Variants in LRRN3 observed in about 807,000 individuals in gnomAD.
The protein encoded by LRRN3 is leucine rich repeat neuronal 3, also known as leucine-rich repeat neuronal protein 3.
A neutral mutation model predicts 40.1 loss-of-function variants in LRRN3; 15 were observed. That is an observed-to-expected ratio of 0.37 (90% CI 0.25 to 0.58). The LOEUF (loss-of-function observed/expected upper bound fraction) is 0.58. LRRN3 is among the 20% of genes least tolerant of loss of function. The pLI, the probability that LRRN3 is intolerant of heterozygous loss-of-function variation, is 0.72. For missense variants in LRRN3, 746 were observed against 837.7 expected (o/e 0.89, Z 1.35); for synonymous variants, 308 against 297.2 (o/e 1.04, Z -0.37).
At position 111,122,516 on chromosome 7, in the gene LRRN3, C is replaced by T. The variant is rs1800771901; in HGVS notation, c.-257C>T. On this transcript the variant is annotated 5_prime_UTR_variant, in exon 3 of 3. Transcript: ENST00000308478. ...AATCTCCTATGACCATCTATACATACTCCACCTTCAAAAAGTACATCAATA... is the reference window on the plus strand; with the variant it reads ...AATCTCCTATGACCATCTATACATATTCCACCTTCAAAAAGTACATCAATA... 3 of 444,496 alleles carry T rather than the reference C, an allele frequency of 6.7e-6. No homozygotes were observed. In the South Asian group the frequency reaches 1.1e-4, roughly 17 times the overall value. 27.5% of individuals were successfully genotyped at this position (444,496 alleles called of 1,614,324 possible). A position where few individuals can be genotyped will look rare whatever the true frequency, so the allele number is the denominator to read the frequency against.
At chr7:111,100,424 A>C (rs921380494) in intron 2 of LRRN3, among the ~76,000 whole-genome samples, 1 of 148,108 alleles carries the variant, frequency 6.8e-6, no homozygotes, top group African/African-American at 2.4e-5. Context: ...ATATATAATA[A>C]AATATATGTA....
At chr7:111,118,376 C>T (rs1324879424) in intron 2 of LRRN3, among the ~76,000 whole-genome samples, 3 of 151,988 alleles carry the variant, frequency 2.0e-5, no homozygotes, top group East Asian at 1.9e-4. Flanking sequence ...TATAATTATA[C>T]CAAGAAACAA....
intron 1 of LRRN3, among the ~76,000 whole-genome samples, chr7:111,099,196 A>T (rs1405583807): frequency 6.6e-6 from 1 of 151,746 alleles, no homozygotes; most frequent in African/African-American, 2.4e-5. Flanking sequence ...ACACAAAAGA[A>T]AAATGCAAAA....
chr7:111,100,554 AATAAT>A (rs1256326808), intron 2 of LRRN3, among the ~76,000 whole-genome samples: 1 of 148,504 alleles, frequency 6.7e-6, no homozygotes, highest in Non-Finnish European at 1.5e-5. Context: ...TTATTTAATA[AATAAT>A]ATAATGATAA....
intron 2 of LRRN3, among the ~76,000 whole-genome samples, chr7:111,114,185 T>C (rs1799569792): frequency 6.6e-6 from 1 of 151,758 alleles, no homozygotes; most frequent in African/African-American, 2.4e-5. Flanking sequence ...AAACAATGAT[T>C]TCTCTTACAA....
intron 2 of LRRN3, among the ~76,000 whole-genome samples, chr7:111,116,330 T>G (rs1799874267): frequency 6.6e-6 from 1 of 152,176 alleles, no homozygotes; most frequent in African/African-American, 2.4e-5. Flanking sequence ...AATCTATAGT[T>G]ATTTCTATAA....
rs1800880883 is a variant in LRRN3, at chr7:111,123,329, C to T, written c.557C>T (p.Ala186Val). The T allele has an allele frequency of 1.9e-6, 3 of 1,613,774 alleles. No individual in the cohort carries two copies. Among genetic ancestry groups the T allele is most frequent in the Non-Finnish European group, 2.5e-6 (3 of 1,179,894 alleles). ...ATGATCAACAGTAAGTGGTTTGATG[C>T]TCTTCCAAATCTAGAGATTCTGATG... The part of the protein sequence containing the change: ...LQMINSKWFD[A>V]LPNLEILMIG... The change falls in exon 3 of 3, where the codon GCT (alanine) becomes GTT (valine). Residue 186 changes from alanine to valine, a missense_variant. Physicochemically the swap from Ala to Val is moderately conservative, Grantham distance 64 (BLOSUM62 0). Transcript: ENST00000308478. The surrounding 1 kb of genome is among the most constrained non-coding windows in gnomAD (Gnocchi z 6.4).
Position 111,123,522 on chromosome 7 carries a change from A to G in LRRN3, c.750A>G (p.Lys250=). The G allele has an allele frequency of 6.2e-7, 1 of 1,613,984 alleles. No individual in the cohort carries two copies. The highest frequency in any genetic ancestry group is 8.5e-7 in the Non-Finnish European group (1 of 1,179,956). Residue 250 remains lysine (K), a synonymous_variant, in exon 3 of 3, where the codon AAA becomes AAG. Transcript: ENST00000308478. The surrounding 1 kb of genome is among the most constrained non-coding windows in gnomAD (Gnocchi z 6.4). ...CTTTTTACGATAACAGGCTTATTAA[A>G]GTACCCCATGTTGCTCTTCAAAAAG... The part of the protein sequence containing the change: ...SISFYDNRLI[K]VPHVALQKVV...
chr7:111,096,475 A>G (rs1797407446), intron 1 of LRRN3, among the ~76,000 whole-genome samples: 1 of 150,938 alleles, frequency 6.6e-6, no homozygotes, highest in African/African-American at 2.4e-5. Flanking sequence ...TTCTTAATTT[A>G]AATCACAGCT....
At position 111,123,764 on chromosome 7, in the gene LRRN3, T is replaced by G; in HGVS notation, c.992T>G (p.Phe331Cys). 1 of 1,613,984 alleles carries G rather than the reference T, an allele frequency of 6.2e-7. No individual in the cohort carries two copies. The highest frequency in any genetic ancestry group is 8.5e-7 in the Non-Finnish European group (1 of 1,179,966). ...TCTTACATTCACCCCAATGCATTTTTCAGACTCCCCAAGCTGGAATCACTC... is the reference window on the plus strand; with the variant it reads ...TCTTACATTCACCCCAATGCATTTTGCAGACTCCCCAAGCTGGAATCACTC... ...RLSYIHPNAF[F>C]RLPKLESLML... The change falls in exon 3 of 3, where the codon TTC becomes TGC. Residue 331 changes from phenylalanine to cysteine, a missense_variant. Phe to Cys is a radical substitution (Grantham distance 205). Transcript: ENST00000308478. The surrounding 1 kb of genome is among the most constrained non-coding windows in gnomAD (Gnocchi z 6.4).
At chr7:111,109,928 G>A (rs1207383629) in intron 2 of LRRN3, among the ~76,000 whole-genome samples, 1 of 152,192 alleles carries the variant, frequency 6.6e-6, no homozygotes, top group East Asian at 1.9e-4. Context: ...AAGGTCAGGA[G>A]TTCAAGACCG....
rs753797289 is a variant in LRRN3, at chr7:111,124,381, G to A, written c.1609G>A (p.Val537Ile). ...IKIRDIQANS[V>I]LVSWKASSKI... ...AATAAGAGATATTCAGGCCAATTCA[G>A]TTTTGGTGTCCTGGAAAGCAAGTTC... is the stretch of plus-strand genomic sequence containing the variant. The change falls in exon 3 of 3, where the codon GTT becomes ATT. Residue 537 changes from valine to isoleucine, a missense_variant. Physicochemically the swap from Val to Ile is conservative, Grantham distance 29. Coordinates refer to ENST00000308478, the MANE Select transcript of LRRN3 (RefSeq NM_001099658.2). 7 of 1,613,790 alleles carry A rather than the reference G, an allele frequency of 4.3e-6. No individual in the cohort carries two copies. The East Asian group carries it at 1.1e-4, about 26-fold the overall frequency.
chr7:111,123,631 A>G lies in LRRN3; in HGVS notation c.859A>G (p.Lys287Glu). Residue 287 changes from lysine (K) to glutamate (E), a missense_variant, in exon 3 of 3, where the codon AAA (lysine) becomes GAA (glutamate). Coordinates refer to ENST00000308478, the MANE Select transcript of LRRN3 (RefSeq NM_001099658.2). The surrounding 1 kb of genome is among the most constrained non-coding windows in gnomAD (Gnocchi z 6.4). ...RGDFSNMLHL[K>E]ELGINNMPEL... Reference sequence around the variant, plus strand: ...TGATTTTAGCAATATGCTACACTTAAAAGAGTTGGGGATAAATAATATGCC... The same window carrying G: ...TGATTTTAGCAATATGCTACACTTAGAAGAGTTGGGGATAAATAATATGCC... 1 of 1,613,816 alleles carries G rather than the reference A, an allele frequency of 6.2e-7. No homozygotes were observed. The highest frequency in any genetic ancestry group is 8.5e-7 in the Non-Finnish European group (1 of 1,179,874).
chr7:111,107,027 A>G (rs139488685), intron 2 of LRRN3, among the ~76,000 whole-genome samples: 1 of 152,102 alleles, frequency 6.6e-6, no homozygotes, highest in African/African-American at 2.4e-5. Flanking sequence ...CTAGAAAACA[A>G]TCAAAGTTTC....
Position 111,123,123 on chromosome 7 carries a change from G to T in LRRN3, c.351G>T (p.Gln117His). 14 of 1,613,724 alleles carry T rather than the reference G, an allele frequency of 8.7e-6. No homozygotes were observed. Among genetic ancestry groups the T allele is most frequent in the Non-Finnish European group, 1.2e-5 (14 of 1,179,870 alleles). Residue 117 changes from glutamine (Q) to histidine (H), a missense_variant, in exon 3 of 3, where the codon CAG (glutamine) becomes CAT (histidine). Coordinates refer to ENST00000308478, the MANE Select transcript of LRRN3 (RefSeq NM_001099658.2). The surrounding 1 kb of genome is among the most constrained non-coding windows in gnomAD (Gnocchi z 6.4). ...VTNINVKKMP[Q>H]LLSVYLEENK... ...ATATTAATGTAAAAAAGATGCCTCA[G>T]CTCCTTTCTGTGTACCTAGAGGAAA...
In LRRN3 at chr7:111,096,224, G is replaced by A. The variant is rs193060291; in HGVS notation, c.-440-3657G>A. On this transcript the variant is annotated intron_variant, in intron 1 of 2. Transcript: ENST00000308478. ...GATGATGATTAACATCTTTAAGACA[G>A]GAGAATGAGGTTCTGTGAGGTTAGA... is the stretch of plus-strand genomic sequence containing the variant. Among the ~76,000 whole-genome samples the A allele has an allele frequency of 1.5e-3, 226 of 151,992 alleles. 2 individuals are homozygous for A. The highest frequency in any genetic ancestry group is 5.2e-3 in the African/African-American group (214 of 41,510).
rs762558477 is a variant in LRRN3 at position 111,124,222 on chromosome 7, A to T, written c.1450A>T (p.Asn484Tyr). 6.2e-7 allele frequency: 1 copy of T among 1,613,960 alleles called. No homozygotes were observed. Among genetic ancestry groups the T allele is most frequent in the South Asian group, 1.1e-5 (1 of 91,064 alleles). Residue 484 changes from asparagine (N) to tyrosine (Y), a missense_variant, in exon 3 of 3, where the codon AAT becomes TAT. Asn to Tyr is a moderately radical substitution (Grantham distance 143, BLOSUM62 -2). Transcript: ENST00000308478. ...CCATTCTGAGGGAACACTAGATATAAATGGCGTAACTCCCAAAGAAGGGGG... is the reference window on the plus strand; with the variant it reads ...CCATTCTGAGGGAACACTAGATATATATGGCGTAACTCCCAAAGAAGGGGG... ...YVHSEGTLDINGVTPKEGGLY... is the reference protein window; with the variant it reads ...YVHSEGTLDIYGVTPKEGGLY...
chr7:111,096,990 A>G (rs963601280), intron 1 of LRRN3: 3 of 151,916 alleles, frequency 2.0e-5, no homozygotes, highest in Non-Finnish European at 4.4e-5. Context: ...CCTTTAAAAA[A>G]TCTTCTAAAG....
Position 111,100,842 on chromosome 7 carries a change from G to T in LRRN3, c.-359+880G>T, listed in dbSNP as rs181731210. Reference sequence around the variant, plus strand: ...GTAATGAAATAAGGAAAGTTTTATTGACCATAAATATCTTGCAAATTGAAC... The same window carrying T: ...GTAATGAAATAAGGAAAGTTTTATTTACCATAAATATCTTGCAAATTGAAC... On this transcript the variant is annotated intron_variant, in intron 2 of 2. Coordinates refer to ENST00000308478, the MANE Select transcript of LRRN3 (RefSeq NM_001099658.2). Among the ~76,000 whole-genome samples the T allele has an allele frequency of 2.5e-3, 384 of 151,594 alleles. 3 individuals carry two copies. The highest frequency in any genetic ancestry group is 8.8e-3 in the African/African-American group (365 of 41,472).
Sources: gnomAD v4.1 joint callset for allele counts (sites outside exome capture counted in the v4.1 genomes callset) on GRCh38, gnomAD v4.1.1 for gene constraint, Gnocchi (gnomAD v3.1) non-coding constraint, MANE v1.5 for transcripts, NCBI Gene and HGNC (gene_info 2026-07-23, HGNC 2026-07-21) for gene names.